TCF20: variants seen among roughly 807,000 people sequenced by gnomAD.
The protein encoded by TCF20 is SPRE-binding protein.
TCF20 carries 3 observed loss-of-function variants against 148.6 expected under a neutral mutation model. That is an observed-to-expected ratio of 0.02 (90% confidence interval 0.01 to 0.05). TCF20 has a LOEUF of 0.05. TCF20 is among the 10% of genes least tolerant of loss of function. The probability of loss-of-function intolerance (pLI) is 1.00; values close to 1 mark genes in which losing one functional copy is unlikely to be tolerated. For missense variants in TCF20, 2,350 were observed against 2,429.3 expected (o/e 0.97, Z 0.69); for synonymous variants, 1,049 against 909.5 (o/e 1.15, Z -2.76).
intron 2 of TCF20, among the ~76,000 whole-genome samples, chr22:42,199,153 CAAT>C (rs1357872216): frequency 6.6e-6 from 1 of 152,136 alleles, no homozygotes; most frequent in Non-Finnish European, 1.5e-5. Context: ...ATTAGTTTTA[CAAT>C]AAGAATAATA....
intron 1 of TCF20, among the ~76,000 whole-genome samples, chr22:42,306,267 T>G (rs972748304): frequency 6.6e-6 from 1 of 151,076 alleles, no homozygotes; most frequent in South Asian, 2.1e-4. Flanking sequence ...AAATTAGGAG[T>G]TGCCACCTGC....
chr22:42,334,721 T>C (rs1928036596), intron 1 of TCF20, among the ~76,000 whole-genome samples: 1 of 152,192 alleles, frequency 6.6e-6, no homozygotes, highest in Non-Finnish European at 1.5e-5. Flanking sequence ...GGAATAGTCA[T>C]CCCCATTTTA....
chr22:42,219,611 T>C (rs1315837375), intron 1 of TCF20, among the ~76,000 whole-genome samples: 1 of 151,834 alleles, frequency 6.6e-6, no homozygotes, highest in African/African-American at 2.4e-5. Flanking sequence ...ATCCCTGAAC[T>C]TTGGGAGGTC....
At chr22:42,311,050 G>A (rs143572660) in intron 1 of TCF20, among the ~76,000 whole-genome samples, 109 of 152,316 alleles carry the variant, frequency 7.2e-4, no homozygotes, top group African/African-American at 2.5e-3. Flanking sequence ...AGGCTGGCCC[G>A]GTGGCATCCA....
chr22:42,238,460 A>G (rs1924079068), intron 1 of TCF20, among the ~76,000 whole-genome samples: 1 of 152,134 alleles, frequency 6.6e-6, no homozygotes, highest in South Asian at 2.1e-4. Flanking sequence ...TGTACTTTTA[A>G]CTTTCTTCAA....
At chr22:42,307,736 C>T (rs1246199704) in intron 1 of TCF20, among the ~76,000 whole-genome samples, 5 of 152,322 alleles carry the variant, frequency 3.3e-5, no homozygotes, top group Admixed American at 3.3e-4. Context: ...GTGCCACTCA[C>T]ACCCCTTGGG....
In TCF20 at chr22:42,214,506, T is replaced by C. The variant is rs1396084882; in HGVS notation, c.800A>G (p.Asn267Ser). ...GTGTCCTTCATACTGAGATCCAGCA[T>C]TCACATTGTAACTGCCATCATAGCT... is the stretch of plus-strand genomic sequence containing the variant. ...GQSYDGSYNV[N>S]AGSQYEGHNV... The change falls in exon 2 of 6, where the codon AAT (asparagine) becomes AGT (serine). Residue 267 changes from asparagine to serine, a missense_variant. Physicochemically the swap from Asn to Ser is conservative, Grantham distance 46 (BLOSUM62 1). Coordinates refer to ENST00000677622, the MANE Select transcript of TCF20 (RefSeq NM_001378418.1). The C allele has an allele frequency of 1.9e-6, 3 of 1,614,188 alleles. No individual in the cohort carries two copies. The highest frequency in any genetic ancestry group is 2.2e-5 in the South Asian group (2 of 91,080).
At chr22:42,207,508 CTT>C (rs1390728729) in intron 2 of TCF20, among the ~76,000 whole-genome samples, 3 of 152,200 alleles carry the variant, frequency 2.0e-5, no homozygotes, top group African/African-American at 7.2e-5. Flanking sequence ...TAAAACATCT[CTT>C]TCTCTCTTAA....
chr22:42,230,393 C>T (rs977548535), intron 1 of TCF20, among the ~76,000 whole-genome samples: 1 of 152,162 alleles, frequency 6.6e-6, no homozygotes, highest in Non-Finnish European at 1.5e-5. Flanking sequence ...CAACTATGTA[C>T]AGTACATAAT....
chr22:42,230,402 A>C (rs895495770), intron 1 of TCF20, among the ~76,000 whole-genome samples: 4 of 152,242 alleles, frequency 2.6e-5, no homozygotes, highest in Admixed American at 6.5e-5. Context: ...ACAGTACATA[A>C]TACTTGAAAA....
chr22:42,262,317 A>T (rs1219764286), intron 1 of TCF20, among the ~76,000 whole-genome samples: 2 of 152,202 alleles, frequency 1.3e-5, no homozygotes, highest in Non-Finnish European at 2.9e-5. Flanking sequence ...GAAAGAAGTT[A>T]TCATCTTATG....
chr22:42,197,937 C>A (rs1228896102), intron 2 of TCF20, among the ~76,000 whole-genome samples: 3 of 152,140 alleles, frequency 2.0e-5, no homozygotes, highest in African/African-American at 4.8e-5. Context: ...CTTGTTATGA[C>A]CCTTTGTTGA....
intron 1 of TCF20, among the ~76,000 whole-genome samples, chr22:42,237,505 A>G (rs1430341017): frequency 6.6e-6 from 1 of 152,196 alleles, no homozygotes; most frequent in African/African-American, 2.4e-5. Context: ...ACTCCTGTTC[A>G]TGTACTGACC....
At chr22:42,265,960 T>G (rs1926264494) in intron 1 of TCF20, among the ~76,000 whole-genome samples, 1 of 151,974 alleles carries the variant, frequency 6.6e-6, no homozygotes, top group African/African-American at 2.4e-5. Context: ...ACTGACCAAG[T>G]ATGGGCAAGG....
chr22:42,190,806 CAT>C (rs1410336970), intron 2 of TCF20, among the ~76,000 whole-genome samples: 2 of 151,878 alleles, frequency 1.3e-5, no homozygotes, highest in Admixed American at 6.6e-5. Context: ...GTTTAAGTAA[CAT>C]GTGAAAATAT....
chr22:42,204,924 G>T (rs952375458), intron 2 of TCF20, among the ~76,000 whole-genome samples: 2 of 151,974 alleles, frequency 1.3e-5, no homozygotes, highest in Non-Finnish European at 2.9e-5. Flanking sequence ...AAGATTAAAA[G>T]TTTCCCAAGG....
intron 1 of TCF20, among the ~76,000 whole-genome samples, chr22:42,235,430 G>A (rs925638313): frequency 4.6e-5 from 7 of 152,180 alleles, no homozygotes; most frequent in Non-Finnish European, 1.0e-4. Context: ...CTCTCCTGAA[G>A]TGACAGAAAG....
chr22:42,254,769 A>G (rs1925628870), intron 1 of TCF20, among the ~76,000 whole-genome samples: 1 of 152,162 alleles, frequency 6.6e-6, no homozygotes, highest in Admixed American at 6.5e-5. Context: ...GATCGAGAAT[A>G]TCTTCACCAA....
In TCF20 at chr22:42,160,196, C is replaced by T. The variant is rs1935332817; in HGVS notation, c.*1207G>A. On this transcript the variant is annotated 3_prime_UTR_variant, in exon 6 of 6. Transcript: ENST00000677622. ...TTTGTACTTTTTTCTTTTTTTAAAA[C>T]TCAGATATTTAAAAATTATACAATT... 1 of 152,314 alleles carries T rather than the reference C, an allele frequency of 6.6e-6. No homozygotes were observed. Among genetic ancestry groups the T allele is most frequent in the East Asian group, 1.9e-4 (1 of 5,188 alleles). The allele number at this position is 152,314 out of a possible 1,614,324, so 9.4% of individuals were successfully genotyped here. A position where few individuals can be genotyped will look rare whatever the true frequency, so the allele number is the denominator to read the frequency against.
Sources: allele counts gnomAD v4.1 joint callset (sites outside exome capture counted in the v4.1 genomes callset), GRCh38; gene constraint gnomAD v4.1.1; transcripts MANE v1.5; gene names NCBI Gene and HGNC (gene_info 2026-07-23, HGNC 2026-07-21).